The following FUCA1 variants were observed in gnomAD, a reference collection of about 807,000 sequenced individuals.
The protein encoded by FUCA1 is alpha-L-fucosidase 1, also known as tissue alpha-L-fucosidase.
FUCA1 carries 52 observed loss-of-function variants against 56.8 expected under a neutral mutation model. The ratio of observed to expected loss-of-function variants is 0.92; its 90% CI spans 0.73 to 1.15. FUCA1 has a LOEUF of 1.15. Among genes scored for constraint, FUCA1 ranks in the 50% most tolerant of loss-of-function variants. The pLI, the probability that FUCA1 is intolerant of heterozygous loss-of-function variation, is 0.00. For synonymous variants in FUCA1, 230 were observed against 226.6 expected, an observed-to-expected ratio of 1.02 and a Z score of -0.14; for missense variants, 568 against 592.6, an observed-to-expected ratio of 0.96 and a Z score of 0.43.
rs1181259754 is a variant in FUCA1 at position 23,867,612 on chromosome 1, G to A, written c.389+286C>T. On this transcript the variant is annotated intron_variant, in intron 1 of 7. Coordinates refer to ENST00000374479, the MANE Select transcript of FUCA1 (RefSeq NM_000147.5). The surrounding 1 kb of genome is among the most constrained non-coding windows in gnomAD (Gnocchi z 4.9). ...CTGATAGTGCTGTCAATCTGAAAGG[G>A]ACATCAGGTATGGCCTAACTCAGCC... 7.4e-6 allele frequency: 4 copies of A among 543,520 alleles called. No individual in the cohort carries two copies. In the African/African-American group the frequency reaches 8.2e-5, roughly 11 times the overall value. 33.7% of individuals were successfully genotyped at this position (543,520 alleles called of 1,614,324 possible). A position where few individuals can be genotyped will look rare whatever the true frequency, so the allele number is the denominator to read the frequency against.
intron 4 of FUCA1, among the ~76,000 whole-genome samples, chr1:23,858,187 C>T (rs1478595555): frequency 6.6e-6 from 1 of 152,108 alleles, no homozygotes; most frequent in Non-Finnish European, 1.5e-5. Context: ...GCCTCAGCCT[C>T]CTGAGCAGCT....
At chr1:23,855,121 A>T (rs571545902) in intron 4 of FUCA1, among the ~76,000 whole-genome samples, 10 of 152,222 alleles carry the variant, frequency 6.6e-5, no homozygotes, top group Admixed American at 2.0e-4. Context: ...AAAAAAAAAA[A>T]TAGCAAATTC....
intron 6 of FUCA1, among the ~76,000 whole-genome samples, chr1:23,847,704 A>G (rs1639171102): frequency 6.6e-6 from 1 of 152,096 alleles, no homozygotes; most frequent in African/African-American, 2.4e-5. Flanking sequence ...ACTGTGAGCT[A>G]AATAAACCTC....
chr1:23,846,605 T>C (rs1343825110), intron 6 of FUCA1, among the ~76,000 whole-genome samples: 1 of 62,014 alleles, frequency 1.6e-5, no homozygotes, highest in South Asian at 4.1e-4. Context: ...GAAGCCTTGT[T>C]GTCCAGGCTC....
chr1:23,856,309 C>T (rs1639389107), intron 4 of FUCA1, among the ~76,000 whole-genome samples: 1 of 152,130 alleles, frequency 6.6e-6, no homozygotes, highest in South Asian at 2.1e-4. Flanking sequence ...GATGTGAACG[C>T]TCCCTGTACA....
intron 5 of FUCA1, among the ~76,000 whole-genome samples, chr1:23,852,214 A>C (rs1402369289): frequency 6.6e-6 from 1 of 151,594 alleles, no homozygotes; most frequent in Admixed American, 6.6e-5. Context: ...TGAGGCCAGG[A>C]GTTTGAGACC....
intron 3 of FUCA1, among the ~76,000 whole-genome samples, chr1:23,860,570 T>C (rs1161117956): frequency 8.5e-5 from 11 of 128,872 alleles, no homozygotes; most frequent in South Asian, 2.4e-4. Flanking sequence ...GGCGACGGAG[T>C]GAAACTCCGT....
chr1:23,861,280 G>A (rs1213109304), intron 3 of FUCA1, among the ~76,000 whole-genome samples: 6 of 128,660 alleles, frequency 4.7e-5, no homozygotes, highest in African/African-American at 1.5e-4. Context: ...CCGAGATTGC[G>A]CCACTGTACT....
At chr1:23,862,299 G>C (rs2148447289) in intron 3 of FUCA1, among the ~76,000 whole-genome samples, 1 of 152,296 alleles carries the variant, frequency 6.6e-6, no homozygotes, top group East Asian at 1.9e-4. Context: ...CCGAGTAGCT[G>C]GGACTACAGG....
At chr1:23,862,782 A>G (rs1358212731) in intron 3 of FUCA1, among the ~76,000 whole-genome samples, 1 of 152,230 alleles carries the variant, frequency 6.6e-6, no homozygotes, top group Non-Finnish European at 1.5e-5. Flanking sequence ...AAGGCATGTA[A>G]GTAACAGGAG....
rs552540176 is a variant in FUCA1, at chr1:23,853,000, T to C, written c.969+1360A>G. On this transcript the variant is annotated intron_variant, in intron 5 of 7. Transcript: ENST00000374479. ...CAGTCTGGAAAATGAGGAGCGTCTC[T>C]GCCCGGCCGCCATCCCATCTAGGAA... Among the ~76,000 whole-genome samples, 208 of 148,680 alleles carry C rather than the reference T, an allele frequency of 1.4e-3. 1 individual carries two copies. The highest frequency in any genetic ancestry group is 4.8e-3 in the African/African-American group (190 of 39,940).
In FUCA1 at chr1:23,848,631, A is replaced by G. The variant is rs753859941; in HGVS notation, c.1160+18T>C. 1 of 1,613,614 alleles carries G rather than the reference A, an allele frequency of 6.2e-7. No individual in the cohort carries two copies. Among genetic ancestry groups the G allele is most frequent in the Admixed American group, 1.7e-5 (1 of 60,014 alleles). ...GGGCACTGTTCTGTTCTTACACACA[A>G]CAGAAGACAAGACTCACCATACAGA... On this transcript the variant is annotated intron_variant, in intron 6 of 7. Transcript: ENST00000374479.
At position 23,867,368 on chromosome 1, in the gene FUCA1, G is replaced by A. The variant is rs1434987824; in HGVS notation, c.389+530C>T. On this transcript the variant is annotated intron_variant, in intron 1 of 7. Transcript: ENST00000374479. The surrounding 1 kb of genome is among the most constrained non-coding windows in gnomAD (Gnocchi z 4.9). ...CTTCCTACGTAAAAGGGATTGAGAG[G>A]AGCAAACGAATGACTATCTGTACTG... is the stretch of plus-strand genomic sequence containing the variant. Among the ~76,000 whole-genome samples the A allele has an allele frequency of 6.6e-6, 1 of 152,160 alleles. No homozygotes were observed. Among genetic ancestry groups the A allele is most frequent in the Non-Finnish European group, 1.5e-5 (1 of 68,036 alleles).
Position 23,846,118 on chromosome 1 carries a change from C to A in FUCA1, c.1216G>T (p.Gly406Ter), listed in dbSNP as rs764863416. 3.1e-6 allele frequency: 5 copies of A among 1,614,142 alleles called. No individual in the cohort carries two copies. Among genetic ancestry groups the A allele is most frequent in the Non-Finnish European group, 3.4e-6 (4 of 1,180,020 alleles). Reference protein sequence around the residue: ...YAIFLHWPENGVLNLESPITT... With the variant: ...YAIFLHWPEN ...ATGGGGGATTCAAGGTTTAAGACTC[C>A]ATTTTCTGGCCAGTGCAGAAAAATG... Residue 406 changes from glycine to a stop codon, truncating the protein, a stop_gained, in exon 7 of 8, where the codon GGA becomes TGA. Coordinates refer to ENST00000374479, the MANE Select transcript of FUCA1 (RefSeq NM_000147.5). LOFTEE classifies it low-confidence loss of function (END_TRUNC).
chr1:23,851,910 G>A (rs1451079719), intron 5 of FUCA1, among the ~76,000 whole-genome samples: 2 of 151,936 alleles, frequency 1.3e-5, no homozygotes, highest in African/African-American at 4.8e-5. Context: ...TAATGCATGT[G>A]GGGCTTAAAA....
chr1:23,864,474 GGTGA>G (rs1639581838), intron 2 of FUCA1, among the ~76,000 whole-genome samples: 1 of 152,122 alleles, frequency 6.6e-6, no homozygotes. Context: ...GGTTAAGAAT[GGTGA>G]GTGTTACAAA....
At chr1:23,856,763 G>A (rs1248709545) in intron 4 of FUCA1, among the ~76,000 whole-genome samples, 8 of 151,956 alleles carry the variant, frequency 5.3e-5, no homozygotes. Context: ...AGGCTGAGGC[G>A]GGTGGATCAC....
intron 2 of FUCA1, among the ~76,000 whole-genome samples, chr1:23,864,584 A>C (rs1639583288): frequency 6.6e-6 from 1 of 151,978 alleles, no homozygotes; most frequent in Non-Finnish European, 1.5e-5. Flanking sequence ...AAAAATCATG[A>C]CTCCTGAAGT....
At chr1:23,857,816 TAAAAATTAG>T (rs1639425229) in intron 4 of FUCA1, among the ~76,000 whole-genome samples, 3 of 150,006 alleles carry the variant, frequency 2.0e-5, no homozygotes, top group Non-Finnish European at 4.4e-5. Flanking sequence ...TACAGGCATG[TAAAAATTAG>T]GCCCGGCCTA....
Sources: gnomAD v4.1 joint callset for allele counts (sites outside exome capture counted in the v4.1 genomes callset) on GRCh38, gnomAD v4.1.1 for gene constraint, Gnocchi (gnomAD v3.1) non-coding constraint, MANE v1.5 for transcripts, NCBI Gene and HGNC (gene_info 2026-07-23, HGNC 2026-07-21) for gene names.